Variants in ROPN1L observed in about 807,000 individuals in gnomAD.
ROPN1L encodes the protein rhophilin associated tail protein 1 like.
ROPN1L carries 23 observed loss-of-function variants against 22.7 expected under a neutral mutation model. The ratio of observed to expected loss-of-function variants is 1.01; its 90% CI spans 0.73 to 1.43. ROPN1L has a LOEUF of 1.43. Ranked by LOEUF, ROPN1L falls within the 40% of genes most tolerant of loss-of-function variation. The probability of loss-of-function intolerance (pLI) is 0.00; values close to 1 mark genes in which losing one functional copy is unlikely to be tolerated. For missense variants in ROPN1L, 271 were observed against 291.5 expected (o/e 0.93, Z 0.51); for synonymous variants, 116 against 117.8 (o/e 0.98, Z 0.10).
At chr5:10,482,543 G>A in the ROPN1L span, among the ~76,000 whole-genome samples, 1 of 152,182 alleles carries the variant, frequency 6.6e-6, no homozygotes, top group Non-Finnish European at 1.5e-5. Context: ...AAGGTTAGGA[G>A]AGATCAGGTT....
At chr5:10,457,315 G>A (rs1270113882) in intron 3 of ROPN1L, among the ~76,000 whole-genome samples, 1 of 152,234 alleles carries the variant, frequency 6.6e-6, no homozygotes, top group Non-Finnish European at 1.5e-5. Flanking sequence ...TCAGGCCGCT[G>A]GGGACAGGGA....
intron 3 of ROPN1L, among the ~76,000 whole-genome samples, chr5:10,457,195 G>A (rs912237631): frequency 6.6e-6 from 1 of 152,150 alleles, no homozygotes; most frequent in Non-Finnish European, 1.5e-5. Context: ...ATGTTGCCCT[G>A]GGAGCTGCAC....
chr5:10,452,297 G>T (rs1639074273), intron 3 of ROPN1L, among the ~76,000 whole-genome samples: 2 of 145,340 alleles, frequency 1.4e-5, no homozygotes, highest in African/African-American at 5.4e-5. Context: ...ATGTGTGTGT[G>T]TGTGTGTGTG....
intron 3 of ROPN1L, among the ~76,000 whole-genome samples, chr5:10,455,872 C>CTTTTAAAAACCAGTGCTCGGTCAG (rs757510378): frequency 1.3e-5 from 2 of 152,038 alleles, no homozygotes; most frequent in African/African-American, 2.4e-5. Context: ...GGGTCAGAGG[C>CTTTTAAAAACCAGTGCTCGGTCAG]ACAGCTTCAC....
At chr5:10,462,812 T>TG (rs1270169452) in intron 4 of ROPN1L, among the ~76,000 whole-genome samples, 5 of 152,016 alleles carry the variant, frequency 3.3e-5, no homozygotes, top group East Asian at 1.9e-4. Context: ...TCTTGAGCCC[T>TG]GGGGGGGCAG....
At chr5:10,445,776 A>T (rs765524987) in intron 1 of ROPN1L, among the ~76,000 whole-genome samples, 1 of 152,160 alleles carries the variant, frequency 6.6e-6, no homozygotes. Context: ...AAATAAAATT[A>T]GCCGGCCATG....
chr5:10,472,438 A>G (rs1444984952), downstream of ROPN1L, among the ~76,000 whole-genome samples: 1 of 152,194 alleles, frequency 6.6e-6, no homozygotes, highest in African/African-American at 2.4e-5. Context: ...CATGACCTGC[A>G]CTTGACGGAT....
At chr5:10,443,967 C>T (rs1740973875) in intron 1 of ROPN1L, among the ~76,000 whole-genome samples, 1 of 152,182 alleles carries the variant, frequency 6.6e-6, no homozygotes, top group African/African-American at 2.4e-5. Context: ...ATCCCTGTTA[C>T]CATGTAAAGT....
Position 10,461,225 on chromosome 5 carries a change from G to C in ROPN1L, c.459G>C (p.Thr153=). Residue 153 remains threonine (T), a synonymous_variant, in exon 4 of 5, where the codon ACG becomes ACC. Coordinates refer to ENST00000274134, the MANE Select transcript of ROPN1L (RefSeq NM_031916.5). ...TGAAGCACCTGTGCGAGATCCTCAC[G>C]GACGATCCGGAGGGCGGGCCCGCTC... ...TALKHLCEIL[T]DDPEGGPARI... 6.2e-7 allele frequency: 1 copy of C among 1,614,084 alleles called. No homozygotes were observed. Among genetic ancestry groups the C allele is most frequent in the Non-Finnish European group, 8.5e-7 (1 of 1,180,030 alleles).
chr5:10,474,685 C>T (rs1418947549), downstream of ROPN1L, among the ~76,000 whole-genome samples: 1 of 152,248 alleles, frequency 6.6e-6, no homozygotes, highest in African/African-American at 2.4e-5. Context: ...TTGGACGCTC[C>T]ACCCATGGAG....
At chr5:10,452,315 CTGTG>C (rs70947209) in intron 3 of ROPN1L, among the ~76,000 whole-genome samples, 23 of 125,492 alleles carry the variant, frequency 1.8e-4, no homozygotes, top group East Asian at 5.0e-4. Flanking sequence ...GTGTGTGTGT[CTGTG>C]TGTGTGTGTG....
chr5:10,461,157 C>T (rs1252655526), intron 3 of ROPN1L, 27 bp from the exon 4 acceptor site: 1 of 1,593,886 alleles, frequency 6.3e-7, no homozygotes, highest in South Asian at 1.1e-5. Context: ...AACTGTTTTT[C>T]TCCCCACCTG....
At chr5:10,459,775 C>T (rs767932016) in intron 3 of ROPN1L, among the ~76,000 whole-genome samples, 10 of 152,236 alleles carry the variant, frequency 6.6e-5, no homozygotes, top group Non-Finnish European at 1.5e-4. Context: ...CTGCTCCAGG[C>T]ACGCCCTCTT....
the ROPN1L span, among the ~76,000 whole-genome samples, chr5:10,480,421 T>A: frequency 2.9e-4 from 44 of 152,258 alleles, no homozygotes; most frequent in Non-Finnish European, 4.7e-4. Context: ...CCATCTCTGT[T>A]CCAGGAAATT....
At chr5:10,447,450 C>T (rs1433365857) in intron 1 of ROPN1L, among the ~76,000 whole-genome samples, 1 of 152,192 alleles carries the variant, frequency 6.6e-6, no homozygotes, top group African/African-American at 2.4e-5. Context: ...GGGATGGGAG[C>T]CAGGCCAGCA....
intron 1 of ROPN1L, among the ~76,000 whole-genome samples, chr5:10,445,605 G>C (rs1393081850): frequency 6.6e-6 from 1 of 152,130 alleles, no homozygotes; most frequent in African/African-American, 2.4e-5. Flanking sequence ...CAGGAAACCA[G>C]GATACCCACG....
chr5:10,476,559 T>C (rs1430894931), downstream of ROPN1L, among the ~76,000 whole-genome samples: 2 of 152,188 alleles, frequency 1.3e-5, no homozygotes, highest in Non-Finnish European at 2.9e-5. Context: ...TCTGGATCTG[T>C]TTGCATGTGG....
At chr5:10,469,228 A>G (rs1735207637), downstream of ROPN1L, among the ~76,000 whole-genome samples, 3 of 152,010 alleles carry the variant, frequency 2.0e-5, no homozygotes, top group South Asian at 6.2e-4. Flanking sequence ...TAATCCTAGC[A>G]CTTCTGGAGG....
At chr5:10,450,461 T>C (rs1020970220) in intron 3 of ROPN1L, among the ~76,000 whole-genome samples, 1 of 152,236 alleles carries the variant, frequency 6.6e-6, no homozygotes, top group African/African-American at 2.4e-5. Context: ...AGGCATACAA[T>C]TATTTTCTAC....
Sources: allele counts gnomAD v4.1 joint callset (sites outside exome capture counted in the v4.1 genomes callset), GRCh38; gene constraint gnomAD v4.1.1; transcripts MANE v1.5; gene names NCBI Gene and HGNC (gene_info 2026-07-23, HGNC 2026-07-21).